The following ZDHHC15 variants were observed in gnomAD, a reference collection of about 807,000 sequenced individuals.
The protein encoded by ZDHHC15 is zDHHC palmitoyltransferase 15, also known as palmitoyltransferase ZDHHC15.
Under a neutral mutation model 31.7 loss-of-function variants are expected in ZDHHC15, and 19 were observed. That is an observed-to-expected ratio of 0.60 (90% confidence interval 0.42 to 0.88). The LOEUF (loss-of-function observed/expected upper bound fraction) is 0.88, where lower values mean the gene tolerates loss of function less well. Ranked by LOEUF, ZDHHC15 falls within the 40% of genes least tolerant of loss-of-function variation. The pLI is 0.00. For missense variants in ZDHHC15, 209 were observed against 251.2 expected (o/e 0.83, Z 1.14); for synonymous variants, 103 against 90.0 (o/e 1.14, Z -0.82).
At chrX:75,522,170 T>C (rs1382105169) in intron 1 of ZDHHC15, among the ~76,000 whole-genome samples, 9 of 111,335 alleles carry the variant, frequency 8.1e-5, no homozygotes, top group Admixed American at 3.8e-4. Flanking sequence ...TATTATAGAA[T>C]ACCAATCCCA....
At chrX:75,478,815 T>A (rs758459860) in intron 3 of ZDHHC15, 76 bp downstream of exon 3, 1 of 776,339 alleles carries the variant, frequency 1.3e-6, no homozygotes, top group African/African-American at 2.1e-5. Flanking sequence ...TACTCCTCTT[T>A]TTGTCCTCTT....
rs185296140 is a variant in ZDHHC15, at chrX:75,424,301, A to T, written c.736+351T>A. Among the ~76,000 whole-genome samples, 330 of 110,716 alleles carry T rather than the reference A, an allele frequency of 3.0e-3. 1 individual carries two copies. Among genetic ancestry groups the T allele is most frequent in the African/African-American group, 9.9e-3 (301 of 30,465 alleles). On this transcript the variant is annotated intron_variant, in intron 8 of 11. Coordinates refer to ENST00000373367, the MANE Select transcript of ZDHHC15 (RefSeq NM_144969.3). ...TATCAAACTTTACTTCTCCCTTCTG[A>T]CATCCCCTTCTGTACTGATTCTTTC...
chrX:75,436,568 T>A (rs1036859598), intron 4 of ZDHHC15, among the ~76,000 whole-genome samples: 8 of 112,273 alleles, frequency 7.1e-5, no homozygotes, highest in Non-Finnish European at 1.1e-4. Flanking sequence ...TTTTTAAAAC[T>A]TCCATCTTGA....
intron 4 of ZDHHC15, among the ~76,000 whole-genome samples, chrX:75,446,484 G>C (rs2084036173): frequency 8.9e-6 from 1 of 111,970 alleles, no homozygotes; most frequent in Non-Finnish European, 1.9e-5. Context: ...CCTGGTACAA[G>C]GAAATTTGGA....
intron 1 of ZDHHC15, among the ~76,000 whole-genome samples, chrX:75,516,783 A>T (rs1176761707): frequency 1.8e-5 from 2 of 111,999 alleles, no homozygotes; most frequent in Admixed American, 9.5e-5. Flanking sequence ...AGAAACTACC[A>T]TCAGAGTGAA....
chrX:75,452,334 A>G (rs2084135642), intron 3 of ZDHHC15, among the ~76,000 whole-genome samples: 1 of 111,575 alleles, frequency 9.0e-6, no homozygotes, highest in African/African-American at 3.3e-5. Context: ...CAACAAGAAG[A>G]GCTAACTAAT....
chrX:75,409,989 G>T (rs1334076055), intron 10 of ZDHHC15, among the ~76,000 whole-genome samples: 1 of 110,087 alleles, frequency 9.1e-6, no homozygotes, highest in Admixed American at 9.7e-5. Context: ...AATGTAGAAA[G>T]AACAGTCTCT....
intron 3 of ZDHHC15, among the ~76,000 whole-genome samples, chrX:75,468,404 T>G (rs746647058): frequency 2.9e-4 from 32 of 112,132 alleles, no homozygotes; most frequent in Non-Finnish European, 5.6e-4. Context: ...ACATTCCTTT[T>G]CATGGCTGAA....
chrX:75,468,623 A>G (rs1296161759), intron 3 of ZDHHC15, among the ~76,000 whole-genome samples: 1 of 111,857 alleles, frequency 8.9e-6, no homozygotes, highest in Non-Finnish European at 1.9e-5. Flanking sequence ...TTATATATTT[A>G]ACTTCATGAA....
intron 3 of ZDHHC15, among the ~76,000 whole-genome samples, chrX:75,458,951 G>C (rs1159271462): frequency 2.2e-5 from 2 of 89,907 alleles, no homozygotes; most frequent in Non-Finnish European, 4.4e-5. Flanking sequence ...ATGAAGAAAA[G>C]CAGGGTGGGG....
chrX:75,491,103 G>T lies in ZDHHC15; in HGVS notation c.164-12118C>A, dbSNP rs747232527. Among the ~76,000 whole-genome samples, 5 of 111,167 alleles carry T rather than the reference G, an allele frequency of 4.5e-5. No homozygotes were observed. In the South Asian group the frequency reaches 1.2e-3, roughly 26 times the overall value. Reference sequence around the variant, plus strand: ...GGGATCTAGAACTAGAAATACCATTGGACCCAGCCATCCCATTACTGGGTA... The same window carrying T: ...GGGATCTAGAACTAGAAATACCATTTGACCCAGCCATCCCATTACTGGGTA... On this transcript the variant is annotated intron_variant, in intron 2 of 11. Transcript: ENST00000373367.
chrX:75,374,358 C>T (rs1471442112), intron 11 of ZDHHC15, among the ~76,000 whole-genome samples: 3 of 109,799 alleles, frequency 2.7e-5, no homozygotes, highest in Non-Finnish European at 5.7e-5. Context: ...ACGTTCTGCA[C>T]ATGTGTCCCA....
chrX:75,467,041 TTAAAA>T (rs1395993508), intron 3 of ZDHHC15, among the ~76,000 whole-genome samples: 4 of 111,568 alleles, frequency 3.6e-5, no homozygotes, highest in African/African-American at 1.3e-4. Flanking sequence ...ACCCCTGAAC[TTAAAA>T]TAAAAGTTTA....
chrX:75,492,141 C>T (rs2084907752), intron 2 of ZDHHC15, among the ~76,000 whole-genome samples: 1 of 110,519 alleles, frequency 9.0e-6, no homozygotes, highest in African/African-American at 3.3e-5. Context: ...GGGTTGCAAT[C>T]CTAGGCTCTA....
At chrX:75,514,864 A>G (rs1202961129) in intron 1 of ZDHHC15, among the ~76,000 whole-genome samples, 2 of 111,759 alleles carry the variant, frequency 1.8e-5, no homozygotes, top group Non-Finnish European at 3.8e-5. Flanking sequence ...AGAATCAAAT[A>G]GACGCAATAA....
rs761073311 is a variant in ZDHHC15 at position 75,430,409 on chromosome X, T to TA, written c.450-430dup. ...AGAAAAGGCATTACATGTATCAATA[T>TA]AAAAATGGGGTTTGCAAAGCTGGAA... On this transcript the variant is annotated intron_variant, in intron 5 of 11. Coordinates refer to ENST00000373367, the MANE Select transcript of ZDHHC15 (RefSeq NM_144969.3). Among the ~76,000 whole-genome samples the TA allele has an allele frequency of 3.9e-3, 430 of 111,488 alleles. 1 individual carries two copies. The highest frequency in any genetic ancestry group is 6.5e-3 in the Non-Finnish European group (345 of 53,048).
intron 3 of ZDHHC15, among the ~76,000 whole-genome samples, chrX:75,454,637 G>T (rs1020912040): frequency 3.6e-5 from 4 of 111,681 alleles, no homozygotes; most frequent in African/African-American, 9.8e-5. Context: ...TAACTGGTGT[G>T]AGATGGTATC....
At chrX:75,383,841 C>T (rs2083148840) in intron 10 of ZDHHC15, among the ~76,000 whole-genome samples, 1 of 99,811 alleles carries the variant, frequency 1.0e-5, no homozygotes, top group Non-Finnish European at 2.0e-5. Context: ...CGAGTTCATG[C>T]CATTCTCCTG....
Position 75,515,871 on chromosome X carries a change from G to A in ZDHHC15, c.136+7018C>T, listed in dbSNP as rs771248636. 5.4e-4 allele frequency among the ~76,000 whole-genome samples: 61 copies of A among 111,997 alleles called. 1 individual carries two copies. Among genetic ancestry groups the A allele is most frequent in the African/African-American group, 1.8e-3 (57 of 30,869 alleles). On this transcript the variant is annotated intron_variant, in intron 1 of 11. Transcript: ENST00000373367. Reference sequence around the variant, plus strand: ...GGCCAAAATCTCCTTAAGCTGATAAGCAACTTCAGCAAAGTCTCAGGATAC... The same window carrying A: ...GGCCAAAATCTCCTTAAGCTGATAAACAACTTCAGCAAAGTCTCAGGATAC...
Sources: gnomAD v4.1 joint callset for allele counts (sites outside exome capture counted in the v4.1 genomes callset) on GRCh38, gnomAD v4.1.1 for gene constraint, MANE v1.5 for transcripts, NCBI Gene and HGNC (gene_info 2026-07-23, HGNC 2026-07-21) for gene names.